The following CPE variants were observed in gnomAD, a reference collection of about 807,000 sequenced individuals.
CPE encodes the protein carboxypeptidase E.
CPE carries 17 observed loss-of-function variants against 53.5 expected under a neutral mutation model. The observed-to-expected ratio is 0.32, with a 90% CI of 0.22 to 0.48. CPE has a LOEUF of 0.48. Among genes scored for constraint, CPE ranks in the 20% least tolerant of loss-of-function variants. The pLI, the probability that CPE is intolerant of heterozygous loss-of-function variation, is 0.99. For missense variants in CPE, 524 were observed against 614.7 expected (o/e 0.85, Z 1.56); for synonymous variants, 226 against 228.8 (o/e 0.99, Z 0.11).
chr4:165,407,908 T>G (rs1310124862), intron 1 of CPE, among the ~76,000 whole-genome samples: 1 of 151,698 alleles, frequency 6.6e-6, no homozygotes, highest in East Asian at 1.9e-4. Context: ...CTCAAACTCC[T>G]GGGCTCTGGG....
chr4:165,456,570 CTCTCTT>C (rs1731905891), intron 1 of CPE, among the ~76,000 whole-genome samples: 1 of 151,874 alleles, frequency 6.6e-6, no homozygotes. Flanking sequence ...CTCTCTCTCT[CTCTCTT>C]TCTTTGTTTC....
chr4:165,427,553 A>T (rs1361258057), intron 1 of CPE, among the ~76,000 whole-genome samples: 1 of 152,214 alleles, frequency 6.6e-6, no homozygotes, highest in Non-Finnish European at 1.5e-5. Flanking sequence ...TTTCTGAATT[A>T]AAAAGAAAAT....
intron 1 of CPE, among the ~76,000 whole-genome samples, chr4:165,383,581 T>C (rs1730538343): frequency 6.6e-6 from 1 of 152,228 alleles, no homozygotes. Context: ...TAGAGCAGGA[T>C]TTTTCTTTCT....
intron 5 of CPE, 100 bp downstream of exon 5, chr4:165,484,704 C>A: frequency 8.9e-7 from 1 of 1,123,912 alleles, no homozygotes; most frequent in Non-Finnish European, 1.3e-6. Context: ...CTTCAATCGT[C>A]CTCCATCATT....
chr4:165,482,190 T>C (rs1269133554), intron 3 of CPE, 52 bp from the exon 4 acceptor site: 48 of 1,184,880 alleles, frequency 4.1e-5, no homozygotes, highest in Non-Finnish European at 5.7e-5. Context: ...TGTCAAGTGA[T>C]CATACCAATG....
Position 165,482,288 on chromosome 4 carries a change from C to G in CPE, c.719C>G (p.Pro240Arg), listed in dbSNP as rs371049668. 5 of 1,613,898 alleles carry G rather than the reference C, an allele frequency of 3.1e-6. No homozygotes were observed. The African/African-American group carries it at 4.0e-5, about 13-fold the overall frequency. The change falls in exon 4 of 9, where the codon CCT (proline) becomes CGT (arginine). Residue 240 changes from proline to arginine, a missense_variant. Transcript: ENST00000402744. ...GTCATTCATTGGATTATGGATATTC[C>G]TTTTGTGCTTTCTGCCAATCTCCAT... ...KAVIHWIMDI[P>R]FVLSANLHGG...
chr4:165,412,659 G>A (rs1328453061), intron 1 of CPE, among the ~76,000 whole-genome samples: 1 of 152,210 alleles, frequency 6.6e-6, no homozygotes, highest in Non-Finnish European at 1.5e-5. Context: ...CAGGCAGGCA[G>A]CATTGCCACT....
chr4:165,409,153 C>G (rs1306502668), intron 1 of CPE, among the ~76,000 whole-genome samples: 1 of 152,104 alleles, frequency 6.6e-6, no homozygotes, highest in East Asian at 1.9e-4. Flanking sequence ...GCAGAGAGAG[C>G]ACTTAAGTGT....
chr4:165,435,596 C>T (rs1731486773), intron 1 of CPE, among the ~76,000 whole-genome samples: 1 of 152,120 alleles, frequency 6.6e-6, no homozygotes, highest in Non-Finnish European at 1.5e-5. Context: ...ACTATGACCT[C>T]TTATGTGCTT....
At chr4:165,478,594 G>A (rs1732343401) in intron 3 of CPE, among the ~76,000 whole-genome samples, 1 of 152,124 alleles carries the variant, frequency 6.6e-6, no homozygotes, top group African/African-American at 2.4e-5. Flanking sequence ...ATGCAAATAA[G>A]GAGAAAGAAG....
intron 3 of CPE, among the ~76,000 whole-genome samples, chr4:165,474,730 C>G (rs1732265379): frequency 6.6e-6 from 1 of 152,206 alleles, no homozygotes; most frequent in African/African-American, 2.4e-5. Context: ...AATCTGTTAA[C>G]CTAGAACCAA....
chr4:165,471,034 ATGGCC>A (rs1732196750), intron 3 of CPE, among the ~76,000 whole-genome samples: 1 of 152,326 alleles, frequency 6.6e-6, no homozygotes, highest in Non-Finnish European at 1.5e-5. Flanking sequence ...CTGGAGCTTG[ATGGCC>A]TGAAGGCAAG....
chr4:165,439,137 A>T (rs1345228455), intron 1 of CPE, among the ~76,000 whole-genome samples: 1 of 152,222 alleles, frequency 6.6e-6, no homozygotes, highest in Non-Finnish European at 1.5e-5. Flanking sequence ...TTCATTGAAG[A>T]TGCTTTTGGA....
chr4:165,456,871 G>A (rs1374547277), intron 1 of CPE, among the ~76,000 whole-genome samples: 1 of 151,410 alleles, frequency 6.6e-6, no homozygotes, highest in Non-Finnish European at 1.5e-5. Context: ...CTCCTGAGTA[G>A]CTGGGATTAC....
chr4:165,486,409 T>C (rs1732506342), intron 5 of CPE, among the ~76,000 whole-genome samples: 1 of 152,188 alleles, frequency 6.6e-6, no homozygotes, highest in African/African-American at 2.4e-5. Context: ...TGTATGTAAT[T>C]CAACTCAGGG....
chr4:165,488,415 A>G (rs1732544128), intron 6 of CPE, among the ~76,000 whole-genome samples: 1 of 152,204 alleles, frequency 6.6e-6, no homozygotes. Context: ...ACCATCTGCC[A>G]GAATAAAATC....
At chr4:165,460,083 C>T (rs1178303588) in intron 1 of CPE, among the ~76,000 whole-genome samples, 1 of 152,042 alleles carries the variant, frequency 6.6e-6, no homozygotes, top group African/African-American at 2.4e-5. Context: ...GTACATTATA[C>T]CAGCCGGATC....
chr4:165,450,075 G>A (rs538711205), intron 1 of CPE, among the ~76,000 whole-genome samples: 1 of 151,714 alleles, frequency 6.6e-6, no homozygotes, highest in Non-Finnish European at 1.5e-5. Context: ...AAGGTGATTC[G>A]TTAGTGTTTA....
chr4:165,451,595 G>A (rs1731810961), intron 1 of CPE, among the ~76,000 whole-genome samples: 1 of 152,104 alleles, frequency 6.6e-6, no homozygotes, highest in South Asian at 2.1e-4. Context: ...AGGTTCAAGT[G>A]ATTCTCCTGC....
Sources: gnomAD v4.1 joint callset for allele counts (sites outside exome capture counted in the v4.1 genomes callset) on GRCh38, gnomAD v4.1.1 for gene constraint, MANE v1.5 for transcripts, NCBI Gene and HGNC (gene_info 2026-07-23, HGNC 2026-07-21) for gene names.